Variants in DCAF8L2 observed in about 807,000 individuals in gnomAD.
The protein encoded by DCAF8L2 is DDB1 and CUL4 associated factor 8 like 2.
For synonymous variants in DCAF8L2, 200 were observed against 190.9 expected (o/e 1.05, Z -0.39); for missense variants, 430 against 490.7 (o/e 0.88, Z 1.17).
chrX:27,567,918 A>G, the DCAF8L2 span, among the ~76,000 whole-genome samples: 3 of 111,008 alleles, frequency 2.7e-5, no homozygotes, highest in African/African-American at 9.8e-5. Flanking sequence ...TGAGTTGATT[A>G]TTATACATTC....
intron 2 of DCAF8L2, among the ~76,000 whole-genome samples, chrX:27,647,195 G>T (rs1273803728): frequency 1.8e-5 from 2 of 112,183 alleles, no homozygotes; most frequent in African/African-American, 3.2e-5. Flanking sequence ...TAAAGAAAAT[G>T]TGCTACATAT....
In DCAF8L2 at chrX:27,629,742, C is replaced by A. The variant is rs149512790; in HGVS notation, c.-341-2137C>A. 8.9e-3 allele frequency among the ~76,000 whole-genome samples: 983 copies of A among 110,980 alleles called. 12 individuals are homozygous for A. Among genetic ancestry groups the A allele is most frequent in the African/African-American group, 0.031 (943 of 30,564 alleles). On this transcript the variant is annotated intron_variant, in intron 1 of 4. Transcript: ENST00000451261. Reference sequence around the variant, plus strand: ...TTTATAATATATTTTGAAATCAGGACGTATTATGCTTCCTGCTTTGTTCTT... The same window carrying A: ...TTTATAATATATTTTGAAATCAGGAAGTATTATGCTTCCTGCTTTGTTCTT...
chrX:27,722,644 C>CTG (rs1055167161), intron 4 of DCAF8L2, among the ~76,000 whole-genome samples: 1 of 109,812 alleles, frequency 9.1e-6, no homozygotes, highest in Admixed American at 9.8e-5. Flanking sequence ...TGAGGATTGT[C>CTG]TGTGTGTGTG....
At chrX:27,661,222 T>C (rs1832264328) in intron 2 of DCAF8L2, among the ~76,000 whole-genome samples, 1 of 111,805 alleles carries the variant, frequency 8.9e-6, no homozygotes, top group African/African-American at 3.3e-5. Flanking sequence ...GGTAGAAATG[T>C]GGATTGCTGG....
chrX:27,476,692 A>G, the DCAF8L2 span, among the ~76,000 whole-genome samples: 1 of 111,896 alleles, frequency 8.9e-6, no homozygotes, highest in East Asian at 2.8e-4. Flanking sequence ...CATGCCATGG[A>G]GCTGTTTCAC....
At chrX:27,495,259 G>C in the DCAF8L2 span, among the ~76,000 whole-genome samples, 468 of 111,623 alleles carry the variant, frequency 4.2e-3, 1 homozygote, top group African/African-American at 0.014. Flanking sequence ...CTGTTGCATT[G>C]GTTGATATTT....
chrX:27,634,793 C>G (rs751828904), intron 2 of DCAF8L2, among the ~76,000 whole-genome samples: 9 of 110,889 alleles, frequency 8.1e-5, no homozygotes, highest in Non-Finnish European at 1.7e-4. Context: ...TACCTTCAGG[C>G]TATGTGTATA....
At chrX:27,666,967 C>T (rs774323557) in intron 2 of DCAF8L2, among the ~76,000 whole-genome samples, 10 of 111,570 alleles carry the variant, frequency 9.0e-5, no homozygotes, top group Non-Finnish European at 1.5e-4. Context: ...TGTTGAAATG[C>T]AGATTCTGAT....
chrX:27,499,985 T>C, the DCAF8L2 span, among the ~76,000 whole-genome samples: 3 of 112,289 alleles, frequency 2.7e-5, no homozygotes, highest in Non-Finnish European at 5.6e-5. Context: ...GTCCAATTTG[T>C]GTATTTTTAC....
intron 2 of DCAF8L2, among the ~76,000 whole-genome samples, chrX:27,656,146 C>T (rs1451723487): frequency 1.8e-5 from 2 of 111,520 alleles, no homozygotes; most frequent in Non-Finnish European, 3.8e-5. Context: ...TTTGTAGCAT[C>T]GCCATTACAT....
intron 2 of DCAF8L2, among the ~76,000 whole-genome samples, chrX:27,664,230 C>T (rs953051140): frequency 4.5e-5 from 5 of 111,118 alleles, no homozygotes; most frequent in South Asian, 3.8e-4. Flanking sequence ...AAAACTGCTA[C>T]TCTAGTCAAC....
chrX:27,495,889 A>G, the DCAF8L2 span, among the ~76,000 whole-genome samples: 2 of 112,036 alleles, frequency 1.8e-5, no homozygotes, highest in South Asian at 3.7e-4. Context: ...TTTCTGTGTG[A>G]AAGTGGTTAA....
At chrX:27,503,755 T>G in the DCAF8L2 span, among the ~76,000 whole-genome samples, 2 of 111,664 alleles carry the variant, frequency 1.8e-5, no homozygotes, top group Non-Finnish European at 3.8e-5. Context: ...TTTTAGCTAT[T>G]CTAGTTATCT....
At chrX:27,534,577 T>G in the DCAF8L2 span, among the ~76,000 whole-genome samples, 1 of 112,130 alleles carries the variant, frequency 8.9e-6, no homozygotes, top group Non-Finnish European at 1.9e-5. Flanking sequence ...TTTATTTTAC[T>G]TGACTTCTCT....
chrX:27,656,655 G>A (rs755606734), intron 2 of DCAF8L2, among the ~76,000 whole-genome samples: 3 of 111,604 alleles, frequency 2.7e-5, no homozygotes, highest in African/African-American at 6.5e-5. Context: ...TGGGTTGGCT[G>A]GAGTAACTCT....
intron 1 of DCAF8L2, among the ~76,000 whole-genome samples, chrX:27,612,779 A>C (rs1258689462): frequency 1.8e-5 from 2 of 111,222 alleles, no homozygotes; most frequent in African/African-American, 6.5e-5. Flanking sequence ...GTTATTTCTG[A>C]GGCCTCTGTT....
At chrX:27,558,096 C>T in the DCAF8L2 span, among the ~76,000 whole-genome samples, 6 of 111,339 alleles carry the variant, frequency 5.4e-5, no homozygotes, top group Admixed American at 1.9e-4. Context: ...ACTCTGACAC[C>T]CTTGAGTGCC....
At chrX:27,492,164 A>G in the DCAF8L2 span, among the ~76,000 whole-genome samples, 2 of 112,010 alleles carry the variant, frequency 1.8e-5, no homozygotes, top group African/African-American at 6.5e-5. Flanking sequence ...TATACAATGT[A>G]TGATCATTTG....
chrX:27,499,796 C>T, the DCAF8L2 span, among the ~76,000 whole-genome samples: 4 of 107,599 alleles, frequency 3.7e-5, no homozygotes, highest in East Asian at 9.0e-4. Flanking sequence ...AGGTCCCACC[C>T]GCAACACTGA....
Sources: allele counts gnomAD v4.1 joint callset (sites outside exome capture counted in the v4.1 genomes callset), GRCh38; gene constraint gnomAD v4.1.1; transcripts MANE v1.5; gene names NCBI Gene and HGNC (gene_info 2026-07-23, HGNC 2026-07-21).